The following ADGRL3 variants were observed in gnomAD, a reference collection of about 807,000 sequenced individuals.
ADGRL3 encodes calcium-independent alpha-latrotoxin receptor 3.
In ADGRL3, 62 loss-of-function variants were observed where a neutral mutation model predicts 153.5. The ratio of observed to expected loss-of-function variants is 0.40; its 90% confidence interval spans 0.33 to 0.50. The LOEUF (loss-of-function observed/expected upper bound fraction) is 0.50. Among genes scored for constraint, ADGRL3 ranks in the 20% least tolerant of loss-of-function variants. ADGRL3 has a pLI of 0.47. For missense variants in ADGRL3, 1,641 were observed against 1,859.4 expected, an observed-to-expected ratio of 0.88 and a Z score of 2.16; for synonymous variants, 710 against 672.5, an observed-to-expected ratio of 1.06 and a Z score of -0.86.
Position 61,892,970 on chromosome 4 carries a change from C to T in ADGRL3, c.1783+12C>T. The stretch of plus-strand genomic sequence containing the variant: ...TGCAGGAACTATAGGTAAGTCTGTG[C>T]TAAAGCACTAAGTTAAAACTGTTGT... On this transcript the variant is annotated intron_variant, in intron 10 of 26. Transcript: ENST00000683033. 6.8e-7 allele frequency: 1 copy of T among 1,480,906 alleles called. No individual in the cohort carries two copies. Among genetic ancestry groups the T allele is most frequent in the East Asian group, 2.4e-5 (1 of 41,918 alleles). 91.7% of individuals were successfully genotyped at this position (1,480,906 alleles called of 1,614,324 possible).
chr4:61,475,275 G>A (rs531765975), intron 2 of ADGRL3, among the ~76,000 whole-genome samples: 31 of 152,222 alleles, frequency 2.0e-4, no homozygotes, highest in Middle Eastern at 3.4e-3. Flanking sequence ...AGCATATTTT[G>A]TTGGAACTGG....
chr4:61,824,698 G>A (rs1027083237), intron 9 of ADGRL3, among the ~76,000 whole-genome samples: 1 of 151,990 alleles, frequency 6.6e-6, no homozygotes, highest in Non-Finnish European at 1.5e-5. Flanking sequence ...CAGCTGCAAG[G>A]TTCCAAATTA....
intron 23 of ADGRL3, among the ~76,000 whole-genome samples, chr4:62,036,624 A>G (rs1370945417): frequency 1.3e-5 from 2 of 152,112 alleles, no homozygotes; most frequent in African/African-American, 4.8e-5. Context: ...TTTTGATTCT[A>G]AATAACATCC....
chr4:61,641,874 A>C (rs942692958), intron 5 of ADGRL3, among the ~76,000 whole-genome samples: 10 of 148,350 alleles, frequency 6.7e-5, no homozygotes, highest in African/African-American at 2.5e-4. Context: ...TGACTTCCAC[A>C]ATGGTTGAAC....
At chr4:61,264,174 G>A (rs2149659105) in intron 1 of ADGRL3, among the ~76,000 whole-genome samples, 1 of 152,096 alleles carries the variant, frequency 6.6e-6, no homozygotes, top group African/African-American at 2.4e-5. Flanking sequence ...GTTGACGGTT[G>A]CAGACTCTGA....
chr4:61,422,792 A>AAT (rs2097221723), intron 2 of ADGRL3, among the ~76,000 whole-genome samples: 1 of 151,286 alleles, frequency 6.6e-6, no homozygotes, highest in African/African-American at 2.4e-5. Context: ...AAGCTTCAAG[A>AAT]ATATATATAA....
At position 61,354,038 on chromosome 4, in the gene ADGRL3, T is replaced by G. The variant is rs1331348333; in HGVS notation, c.-239-29086T>G. ...TTTCCTTTCAGAAAAAAACATCATC[T>G]ATAAATAATAACTCTAATACCAAAC... On this transcript the variant is annotated intron_variant, in intron 1 of 26. Coordinates refer to ENST00000683033, the MANE Select transcript of ADGRL3 (RefSeq NM_001387552.1). 1.3e-5 allele frequency among the ~76,000 whole-genome samples: 2 copies of G among 152,190 alleles called. 1 individual carries two copies. The highest frequency in any genetic ancestry group is 4.1e-4 in the South Asian group (2 of 4,832).
chr4:61,901,679 C>T (rs967538739), intron 11 of ADGRL3, among the ~76,000 whole-genome samples: 1 of 151,998 alleles, frequency 6.6e-6, no homozygotes, highest in South Asian at 2.1e-4. Context: ...ATTGTTTTGG[C>T]CCTTGATTAG....
chr4:61,898,230 G>A (rs538754954), intron 11 of ADGRL3, among the ~76,000 whole-genome samples: 1 of 152,156 alleles, frequency 6.6e-6, no homozygotes, highest in South Asian at 2.1e-4. Flanking sequence ...ACTAGCAAAT[G>A]GGAGGTACCC....
chr4:61,857,143 G>C (rs1436429318), intron 9 of ADGRL3, among the ~76,000 whole-genome samples: 6 of 146,902 alleles, frequency 4.1e-5, no homozygotes, highest in Non-Finnish European at 8.9e-5. Flanking sequence ...TCTTACCCAG[G>C]CTGGTCTCAA....
At chr4:61,720,037 T>A (rs1025209714) in intron 6 of ADGRL3, among the ~76,000 whole-genome samples, 1 of 145,080 alleles carries the variant, frequency 6.9e-6, no homozygotes, top group African/African-American at 2.5e-5. Context: ...TGAAAAGAGA[T>A]CTTAAATAGA....
intron 3 of ADGRL3, among the ~76,000 whole-genome samples, chr4:61,504,721 T>A (rs1348784628): frequency 6.6e-6 from 1 of 152,114 alleles, no homozygotes; most frequent in African/African-American, 2.4e-5. Flanking sequence ...AGTTTAATAT[T>A]TTTTTTATTT....
rs760642520 is a variant in ADGRL3 at position 61,413,925 on chromosome 4, A to C, written c.-174+30736A>C. Among the ~76,000 whole-genome samples the C allele has an allele frequency of 3.4e-4, 52 of 152,328 alleles. No individual in the cohort carries two copies. The Middle Eastern group carries it at 0.01, about 30-fold the overall frequency. On this transcript the variant is annotated intron_variant, in intron 2 of 26. Coordinates refer to ENST00000683033, the MANE Select transcript of ADGRL3 (RefSeq NM_001387552.1). ...CATACAGTAGTCCTCCTTTATTCAC[A>C]GAGAATACTGGTTTGGGACCATTTT... is the stretch of plus-strand genomic sequence containing the variant.
At chr4:61,432,629 TC>T (rs1560623204) in intron 2 of ADGRL3, among the ~76,000 whole-genome samples, 11 of 84,464 alleles carry the variant, frequency 1.3e-4, no homozygotes, top group Admixed American at 2.6e-4. Flanking sequence ...TTTCTTTCTT[TC>T]TTTCTTTCTT....
At chr4:61,298,009 C>G (rs1207551169) in intron 1 of ADGRL3, among the ~76,000 whole-genome samples, 1 of 152,082 alleles carries the variant, frequency 6.6e-6, no homozygotes, top group East Asian at 1.9e-4. Context: ...CTTTAAATAG[C>G]CATTATATAC....
chr4:61,262,476 T>C (rs1470089483), intron 1 of ADGRL3, among the ~76,000 whole-genome samples: 1 of 152,080 alleles, frequency 6.6e-6, no homozygotes, highest in Admixed American at 6.6e-5. Context: ...TTTAAAAAAA[T>C]TGGGCAACAT....
chr4:61,467,105 A>G (rs1434523963), intron 2 of ADGRL3, among the ~76,000 whole-genome samples: 9 of 152,150 alleles, frequency 5.9e-5, no homozygotes, highest in Non-Finnish European at 1.2e-4. Context: ...ATAGGACGCA[A>G]GCTGAAGGAG....
intron 1 of ADGRL3, among the ~76,000 whole-genome samples, chr4:61,224,767 C>T (rs1294002327): frequency 6.6e-6 from 1 of 152,110 alleles, no homozygotes; most frequent in Non-Finnish European, 1.5e-5. Flanking sequence ...TTGGCAGGAC[C>T]CGAGGGAAGG....
intron 10 of ADGRL3, among the ~76,000 whole-genome samples, chr4:61,893,747 C>T (rs2149619100): frequency 8.0e-6 from 1 of 125,104 alleles, no homozygotes; most frequent in African/African-American, 3.1e-5. Context: ...GAGTCTCACT[C>T]TGTCGCCCAG....
Sources: allele counts gnomAD v4.1 joint callset (sites outside exome capture counted in the v4.1 genomes callset), GRCh38; gene constraint gnomAD v4.1.1; transcripts MANE v1.5; gene names NCBI Gene and HGNC (gene_info 2026-07-23, HGNC 2026-07-21).